UVRAG: variants seen among roughly 807,000 people sequenced by gnomAD.
UVRAG encodes the protein UV radiation resistance associated.
In UVRAG, 19 loss-of-function variants were observed where a neutral mutation model predicts 78.0. The ratio of observed to expected loss-of-function variants is 0.24; its 90% CI spans 0.17 to 0.36. The LOEUF is 0.36. Among genes scored for constraint, UVRAG ranks in the 10% least tolerant of loss-of-function variants. UVRAG has a pLI of 1.00. For missense variants in UVRAG, 740 were observed against 853.8 expected (o/e 0.87, Z 1.66); for synonymous variants, 323 against 324.6 (o/e 1.00, Z 0.05).
At chr11:75,872,100 T>A (rs1291131088) in intron 3 of UVRAG, among the ~76,000 whole-genome samples, 2 of 152,194 alleles carry the variant, frequency 1.3e-5, no homozygotes, top group African/African-American at 4.8e-5. Flanking sequence ...TTTTGACTGT[T>A]CAAGGATAAG....
rs933191268 is a variant in UVRAG at position 75,983,488 on chromosome 11, G to A, written c.801G>A (p.Lys267=). The change falls in exon 8 of 15, where the codon AAG becomes AAA. Residue 267 remains lysine (K), a synonymous_variant. Coordinates refer to ENST00000356136, the MANE Select transcript of UVRAG (RefSeq NM_003369.4). The part of the protein sequence containing the change: ...ALGREVALLH[K]QQIALQDKGS... ...GACGGGAGGTGGCATTACTGCATAA[G>A]CAACAAATTGCATTACAAGACAAAG... 1.2e-6 allele frequency: 2 copies of A among 1,608,110 alleles called. No individual in the cohort carries two copies. Among genetic ancestry groups the A allele is most frequent in the Non-Finnish European group, 1.7e-6 (2 of 1,176,120 alleles).
intron 3 of UVRAG, among the ~76,000 whole-genome samples, chr11:75,862,461 G>C (rs1267194322): frequency 2.6e-5 from 4 of 152,158 alleles, no homozygotes; most frequent in African/African-American, 4.8e-5. Context: ...CTTAGTAATG[G>C]TCCAGTACCA....
chr11:75,950,962 G>GCACACA (rs1565395206), intron 6 of UVRAG, among the ~76,000 whole-genome samples: 4 of 125,974 alleles, frequency 3.2e-5, no homozygotes, highest in African/African-American at 1.1e-4. Context: ...TTTGTCAGGT[G>GCACACA]TACACACACA....
At chr11:75,836,403 G>T (rs1945776381) in intron 1 of UVRAG, among the ~76,000 whole-genome samples, 1 of 152,214 alleles carries the variant, frequency 6.6e-6, no homozygotes, top group East Asian at 1.9e-4. Flanking sequence ...TTAATAAGTA[G>T]CAAAATCAAG....
chr11:75,904,531 A>G (rs1459735074), intron 5 of UVRAG, among the ~76,000 whole-genome samples: 2 of 152,220 alleles, frequency 1.3e-5, no homozygotes, highest in South Asian at 2.1e-4. Flanking sequence ...GATGGCTGAA[A>G]CAGGAGGGCT....
intron 13 of UVRAG, among the ~76,000 whole-genome samples, chr11:76,090,996 T>C (rs886340267): frequency 6.6e-6 from 1 of 152,234 alleles, no homozygotes; most frequent in Middle Eastern, 3.2e-3. Context: ...ATGCATGACA[T>C]GATGTCTTCC....
chr11:75,894,481 T>G (rs1947295522), intron 5 of UVRAG, among the ~76,000 whole-genome samples: 1 of 152,012 alleles, frequency 6.6e-6, no homozygotes, highest in Non-Finnish European at 1.5e-5. Context: ...GGGAGGAGGA[T>G]AGAGATAGTA....
At chr11:75,853,289 A>G (rs534225870) in intron 2 of UVRAG, among the ~76,000 whole-genome samples, 4 of 152,094 alleles carry the variant, frequency 2.6e-5, no homozygotes, top group Non-Finnish European at 5.9e-5. Flanking sequence ...GTATCTGCTC[A>G]TTAAAAAATT....
chr11:76,116,470 A>G (rs967934582), intron 14 of UVRAG, among the ~76,000 whole-genome samples: 11 of 152,218 alleles, frequency 7.2e-5, no homozygotes, highest in African/African-American at 2.7e-4. Flanking sequence ...TGAGACCAGT[A>G]GGTACATTCT....
intron 14 of UVRAG, among the ~76,000 whole-genome samples, chr11:76,125,620 TC>T (rs1278110944): frequency 6.6e-6 from 1 of 152,224 alleles, no homozygotes; most frequent in African/African-American, 2.4e-5. Flanking sequence ...CACTTGGGTA[TC>T]CCGGCGCCGC....
intron 13 of UVRAG, among the ~76,000 whole-genome samples, chr11:76,078,752 C>CAAAAAAAAAAAAAAAAAAAAAAAAAAA (rs61700855): frequency 2.7e-5 from 1 of 37,202 alleles, no homozygotes; most frequent in African/African-American, 6.8e-5. Flanking sequence ...ACTAAAAATA[C>CAAAAAAAAAAAAAAAAAAAAAAAAAAA]AAAAAAAAAA....
intron 7 of UVRAG, among the ~76,000 whole-genome samples, chr11:75,968,960 C>G (rs1301922922): frequency 6.6e-6 from 1 of 152,186 alleles, no homozygotes; most frequent in Non-Finnish European, 1.5e-5. Flanking sequence ...TAAACAGCCT[C>G]ATTGACTTTT....
chr11:75,878,095 C>G (rs941344107), intron 3 of UVRAG, among the ~76,000 whole-genome samples: 5 of 150,326 alleles, frequency 3.3e-5, no homozygotes, highest in African/African-American at 1.2e-4. Context: ...GGGCTCCTCA[C>G]TTCTCAGATG....
intron 5 of UVRAG, among the ~76,000 whole-genome samples, chr11:75,905,457 CT>C (rs1947593484): frequency 6.6e-6 from 1 of 152,144 alleles, no homozygotes; most frequent in Non-Finnish European, 1.5e-5. Flanking sequence ...TTTTGCTGTC[CT>C]CCAAACCCCT....
At chr11:75,967,867 T>C (rs1949055324) in intron 7 of UVRAG, among the ~76,000 whole-genome samples, 1 of 152,176 alleles carries the variant, frequency 6.6e-6, no homozygotes, top group Admixed American at 6.5e-5. Context: ...GGCATACAGC[T>C]TAGTAATATG....
chr11:75,973,681 A>G lies in UVRAG; in HGVS notation c.700-9706A>G, dbSNP rs181138856. Among the ~76,000 whole-genome samples, 175 of 152,256 alleles carry G rather than the reference A, an allele frequency of 1.1e-3. No individual in the cohort carries two copies. The East Asian group carries it at 0.028, about 24-fold the overall frequency. On this transcript the variant is annotated intron_variant, in intron 7 of 14. Coordinates refer to ENST00000356136, the MANE Select transcript of UVRAG (RefSeq NM_003369.4). ...CATTAACTCGTCATTTACATTAGGT[A>G]TATCTCCTAATGCTATCCCTCCTCC...
At chr11:75,986,041 A>G (rs575714808) in intron 8 of UVRAG, among the ~76,000 whole-genome samples, 1 of 152,284 alleles carries the variant, frequency 6.6e-6, no homozygotes, top group African/African-American at 2.4e-5. Context: ...CTACATAGAA[A>G]AGAAAACCTT....
intron 4 of UVRAG, among the ~76,000 whole-genome samples, chr11:75,888,035 C>T (rs999401020): frequency 1.3e-5 from 2 of 152,166 alleles, no homozygotes; most frequent in South Asian, 4.1e-4. Flanking sequence ...GAGTGGTTTG[C>T]AGACATTTAA....
intron 6 of UVRAG, among the ~76,000 whole-genome samples, chr11:75,943,746 C>G (rs908494610): frequency 1.3e-5 from 2 of 152,086 alleles, no homozygotes; most frequent in African/African-American, 4.8e-5. Context: ...ACCCACGATG[C>G]TATTTACTTT....
Sources: gnomAD v4.1 joint callset for allele counts (sites outside exome capture counted in the v4.1 genomes callset) on GRCh38, gnomAD v4.1.1 for gene constraint, MANE v1.5 for transcripts, NCBI Gene and HGNC (gene_info 2026-07-23, HGNC 2026-07-21) for gene names.